The following IGSF10 variants were observed in gnomAD, a reference collection of about 807,000 sequenced individuals.
IGSF10 encodes calvaria mechanical force protein 608.
IGSF10 carries 126 observed loss-of-function variants against 128.2 expected under a neutral mutation model. The observed-to-expected ratio is 0.98, with a 90% CI of 0.85 to 1.14. The LOEUF is 1.14. Among genes scored for constraint, IGSF10 ranks in the 50% most tolerant of loss-of-function variants. The pLI is 0.00. For synonymous variants in IGSF10, 1,185 were observed against 1,146.2 expected (o/e 1.03, Z -0.68); for missense variants, 3,295 against 3,149.8 (o/e 1.05, Z -1.10).
At position 151,436,747 on chromosome 3, in the gene IGSF10, C is replaced by T; in HGVS notation, c.7814G>A (p.Cys2605Tyr). The T allele has an allele frequency of 1.9e-6, 3 of 1,614,080 alleles. No homozygotes were observed. The highest frequency in any genetic ancestry group is 2.2e-5 in the East Asian group (1 of 44,884). Reference sequence around the variant, plus strand: ...ACTACCAAGTGGGTTCTTTGCTGTGCATTTGTATATCCCAGAATCGGAGGT... The same window carrying T: ...ACTACCAAGTGGGTTCTTTGCTGTGTATTTGTATATCCCAGAATCGGAGGT... ...PQTSDSGIYKCTAKNPLGSDY... is the reference protein window; with the variant it reads ...PQTSDSGIYKYTAKNPLGSDY... The change falls in exon 8 of 8, where the codon TGC becomes TAC. Residue 2605 changes from cysteine (C) to tyrosine (Y), a missense_variant. Physicochemically the swap from Cys to Tyr is radical, Grantham distance 194. Coordinates refer to ENST00000282466, the MANE Select transcript of IGSF10 (RefSeq NM_178822.5).
rs1238773861 is a variant in IGSF10, at chr3:151,437,026, A to G, written c.7535T>C (p.Val2512Ala). Residue 2512 changes from valine (V) to alanine (A), a missense_variant, in exon 8 of 8, where the codon GTT becomes GCT. Val to Ala is a moderately conservative substitution (Grantham distance 64). Transcript: ENST00000282466. ...GNYICKAQNS[V>A]GHTLITVPVM... ...TGGAACAGTAATCAGTGTATGACCA[A>G]CACTATTTTGAGCCTTACAGATATA... The G allele has an allele frequency of 3.7e-6, 6 of 1,614,222 alleles. No individual in the cohort carries two copies. The highest frequency in any genetic ancestry group is 2.7e-5 in the African/African-American group (2 of 75,074).
At chr3:151,484,637 G>A in the IGSF10 span, among the ~76,000 whole-genome samples, 7 of 150,676 alleles carry the variant, frequency 4.6e-5, no homozygotes, top group African/African-American at 1.7e-4. Context: ...TGCAGCCTCT[G>A]CCAGTGATAC....
rs1721196280 is a variant in IGSF10 at position 151,446,489 on chromosome 3, A to G, written c.3492T>C (p.Arg1164=). Reference sequence around the variant, plus strand: ...TTTTAGCTTCATTGGTGCTAGACACACGTGGGTAACTGGCGTTTACTTTGT... The same window carrying G: ...TTTTAGCTTCATTGGTGCTAGACACGCGTGGGTAACTGGCGTTTACTTTGT... ...KTHKVNASYP[R]VSSTNEAKRD... is the part of the protein sequence containing the mutation. Residue 1164 remains arginine (R), a synonymous_variant, in exon 6 of 8, where the codon CGT becomes CGC. Coordinates refer to ENST00000282466, the MANE Select transcript of IGSF10 (RefSeq NM_178822.5). 6.2e-7 allele frequency: 1 copy of G among 1,614,206 alleles called. No individual in the cohort carries two copies. The highest frequency in any genetic ancestry group is 1.1e-5 in the South Asian group (1 of 91,076).
chr3:151,563,079 G>A, the IGSF10 span, among the ~76,000 whole-genome samples: 1,522 of 150,962 alleles, frequency 0.01, 29 homozygotes, highest in African/African-American at 0.035. Flanking sequence ...GGCCACTCCC[G>A]GATTCCTTAG....
the IGSF10 span, among the ~76,000 whole-genome samples, chr3:151,567,433 A>T: frequency 1.3e-5 from 2 of 152,172 alleles, no homozygotes; most frequent in Admixed American, 6.5e-5. Flanking sequence ...GTTGGGAACT[A>T]ACAAGAAAAA....
rs569284927 is a variant in IGSF10, at chr3:151,456,389, T to C, written c.324+637A>G. ...TAAAAATCATACATGGCTGTGCTTT[T>C]CCTGAACAGTTTAAGTTTTAATAGA... On this transcript the variant is annotated intron_variant, in intron 4 of 7. Coordinates refer to ENST00000282466, the MANE Select transcript of IGSF10 (RefSeq NM_178822.5). Among the ~76,000 whole-genome samples the C allele has an allele frequency of 3.7e-4, 57 of 152,368 alleles. No homozygotes were observed. In the East Asian group the frequency reaches 0.01, roughly 28 times the overall value.
At chr3:151,618,413 A>G in the IGSF10 span, among the ~76,000 whole-genome samples, 1 of 152,248 alleles carries the variant, frequency 6.6e-6, no homozygotes, top group East Asian at 1.9e-4. Flanking sequence ...CTATTTAGTA[A>G]TGGACATAAA....
intron 5 of IGSF10, among the ~76,000 whole-genome samples, chr3:151,452,929 G>A (rs1260038368): frequency 6.6e-6 from 1 of 151,992 alleles, no homozygotes; most frequent in East Asian, 1.9e-4. Flanking sequence ...AGGGGCAGCA[G>A]CAGGTACGAG....
chr3:151,525,240 C>CT, the IGSF10 span, among the ~76,000 whole-genome samples: 1 of 151,774 alleles, frequency 6.6e-6, no homozygotes, highest in Non-Finnish European at 1.5e-5. Flanking sequence ...TTGCAAACAC[C>CT]TTTTTCTGAC....
the IGSF10 span, among the ~76,000 whole-genome samples, chr3:151,487,562 C>T: frequency 1.3e-5 from 2 of 152,170 alleles, no homozygotes; most frequent in Non-Finnish European, 2.9e-5. Context: ...CTCTGATTAA[C>T]ATCAATGCAA....
chr3:151,481,866 T>G, the IGSF10 span, among the ~76,000 whole-genome samples: 1 of 152,094 alleles, frequency 6.6e-6, no homozygotes, highest in East Asian at 1.9e-4. Flanking sequence ...CCTAATAACT[T>G]ATACAGCTAC....
chr3:151,542,849 A>G, the IGSF10 span, among the ~76,000 whole-genome samples: 138 of 152,252 alleles, frequency 9.1e-4, 2 homozygotes, highest in Admixed American at 8.4e-3. Context: ...ACATGTTTTT[A>G]TTAAAGGTAT....
At chr3:151,517,123 A>T in the IGSF10 span, among the ~76,000 whole-genome samples, 1 of 152,074 alleles carries the variant, frequency 6.6e-6, no homozygotes, top group Non-Finnish European at 1.5e-5. Context: ...AGATTATATT[A>T]TAAAGGCTAT....
the IGSF10 span, among the ~76,000 whole-genome samples, chr3:151,581,376 C>A: frequency 6.6e-6 from 1 of 152,174 alleles, no homozygotes; most frequent in Non-Finnish European, 1.5e-5. Context: ...AATGAAGAGA[C>A]AAATTATAGT....
chr3:151,460,103 T>C (rs1349097169), intron 2 of IGSF10, among the ~76,000 whole-genome samples, 158 bp downstream of exon 2: 1 of 152,234 alleles, frequency 6.6e-6, no homozygotes, highest in African/African-American at 2.4e-5. Flanking sequence ...AACAGCAGGA[T>C]GAAGGTAATT....
At chr3:151,449,591 T>C (rs1292257566) in intron 5 of IGSF10, among the ~76,000 whole-genome samples, 1 of 152,232 alleles carries the variant, frequency 6.6e-6, no homozygotes, top group African/African-American at 2.4e-5. Context: ...GGAAACAAAA[T>C]GATATGCTCA....
At chr3:151,539,127 A>G in the IGSF10 span, among the ~76,000 whole-genome samples, 3 of 152,196 alleles carry the variant, frequency 2.0e-5, no homozygotes, top group Non-Finnish European at 4.4e-5. Flanking sequence ...ACCTGCAAAT[A>G]CAGATCCCTA....
chr3:151,562,160 C>T, the IGSF10 span, among the ~76,000 whole-genome samples: 8 of 152,214 alleles, frequency 5.3e-5, no homozygotes, highest in African/African-American at 1.9e-4. Context: ...GTAAAAAAGC[C>T]AGCCCAAACC....
chr3:151,601,951 T>C, the IGSF10 span, among the ~76,000 whole-genome samples: 1 of 152,202 alleles, frequency 6.6e-6, no homozygotes, highest in African/African-American at 2.4e-5. Context: ...AGTATGCTTT[T>C]TGGGAAATCT....
Sources: allele counts gnomAD v4.1 joint callset (sites outside exome capture counted in the v4.1 genomes callset), GRCh38; gene constraint gnomAD v4.1.1; transcripts MANE v1.5; gene names NCBI Gene and HGNC (gene_info 2026-07-23, HGNC 2026-07-21).